The following AP1G1 variants were observed in gnomAD, a reference collection of about 807,000 sequenced individuals.
AP1G1 encodes the protein adaptor related protein complex 1 subunit gamma 1.
In AP1G1, 7 loss-of-function variants were observed where a neutral mutation model predicts 108.3. That is an observed-to-expected ratio of 0.06 (90% CI 0.04 to 0.12). The LOEUF is 0.12. AP1G1 is among the 10% of genes least tolerant of loss of function. The probability of loss-of-function intolerance (pLI) is 1.00; values close to 1 mark genes in which losing one functional copy is unlikely to be tolerated. For missense variants in AP1G1, 756 were observed against 1,010.7 expected, an observed-to-expected ratio of 0.75 and a Z score of 3.42; for synonymous variants, 379 against 353.5, an observed-to-expected ratio of 1.07 and a Z score of -0.81.
At position 71,771,178 on chromosome 16, in the gene AP1G1, A is replaced by G. The variant is rs763069783; in HGVS notation, c.543T>C (p.Asn181=). The change falls in exon 5 of 23, where the codon AAT becomes AAC. Residue 181 remains asparagine (N), a synonymous_variant. Transcript: ENST00000299980. ...TACCATGGTTCTTCTCATTCAATAA[A>G]TTTTTTGTTGCTGGTAAAAACATCT... ...LMEMFLPATK[N]LLNEKNHGVL... is the part of the protein sequence containing the mutation. The G allele has an allele frequency of 6.2e-7, 1 of 1,607,954 alleles. No homozygotes were observed. The highest frequency in any genetic ancestry group is 8.5e-7 in the Non-Finnish European group (1 of 1,176,044).
chr16:71,761,247 C>A (rs978621995), intron 10 of AP1G1, among the ~76,000 whole-genome samples: 1 of 152,132 alleles, frequency 6.6e-6, no homozygotes, highest in Non-Finnish European at 1.5e-5. Context: ...GACTCCATGG[C>A]CCACAAAGCC....
At chr16:71,801,316 T>A (rs530544417) in intron 1 of AP1G1, among the ~76,000 whole-genome samples, 1 of 140,530 alleles carries the variant, frequency 7.1e-6, no homozygotes, top group Admixed American at 7.6e-5. Context: ...GAATTATATT[T>A]ACTGACCATG....
chr16:71,794,835 C>CTTTTTTTTTGTTTTTTTTTTT (rs2032523957), intron 1 of AP1G1, among the ~76,000 whole-genome samples: 1 of 39,632 alleles, frequency 2.5e-5, no homozygotes, highest in Non-Finnish European at 4.3e-5. Flanking sequence ...ATGAGAAGTG[C>CTTTTTTTTTGTTTTTTTTTTT]TTTTTTTTTT....
chr16:71,731,184 C>T lies in AP1G1; in HGVS notation c.*1874G>A, dbSNP rs2045471626. On this transcript the variant is annotated 3_prime_UTR_variant, in exon 23 of 23. Transcript: ENST00000299980. The stretch of plus-strand genomic sequence containing the variant: ...TGTCTGAAATATGCACTAGTCCACA[C>T]TTACATTACTGAAAACTATGCAGGA... 2 of 152,490 alleles carry T rather than the reference C, an allele frequency of 1.3e-5. No individual in the cohort carries two copies. The highest frequency in any genetic ancestry group is 4.8e-5 in the African/African-American group (2 of 41,462). The allele number at this position is 152,490 out of a possible 1,614,324, so 9.4% of individuals were successfully genotyped here.
At chr16:71,736,489 T>C (rs2045543925) in intron 21 of AP1G1, among the ~76,000 whole-genome samples, 2 of 150,598 alleles carry the variant, frequency 1.3e-5, no homozygotes, top group South Asian at 4.2e-4. Flanking sequence ...CATGCCATTC[T>C]CCTGCCTCAG....
intron 1 of AP1G1, among the ~76,000 whole-genome samples, chr16:71,798,492 C>T (rs2032665593): frequency 6.6e-6 from 1 of 151,968 alleles, no homozygotes; most frequent in Admixed American, 6.6e-5. Flanking sequence ...AGCCACTGCA[C>T]CCAGCTGGAA....
intron 1 of AP1G1, among the ~76,000 whole-genome samples, chr16:71,805,782 C>G (rs1477272474): frequency 6.6e-6 from 1 of 152,104 alleles, no homozygotes; most frequent in Non-Finnish European, 1.5e-5. Flanking sequence ...CACCTGTAAT[C>G]TCAGCACTTT....
rs59451625 is a variant in AP1G1 at position 71,768,978 on chromosome 16, C to CAAAAAA, written c.642+639_642+644dup. ...AATTCCTGCCTTTAAAAAAAAAATA[C>CAAAAAA]AAAAAAAAAAAAAAAAAAAACAGGC... On this transcript the variant is annotated intron_variant, in intron 6 of 22. Coordinates refer to ENST00000299980, the MANE Select transcript of AP1G1 (RefSeq NM_001128.6). Among the ~76,000 whole-genome samples the CAAAAAA allele has an allele frequency of 1.1e-4, 7 of 65,018 alleles. 1 individual carries two copies. Among genetic ancestry groups the CAAAAAA allele is most frequent in the Admixed American group, 2.5e-4 (1 of 4,030 alleles). The allele number at this position is 65,018 out of a possible 152,430, so 42.7% of individuals were successfully genotyped here.
At chr16:71,764,513 G>A in intron 8 of AP1G1, 65 bp from the exon 9 acceptor site, 2 of 1,283,456 alleles carry the variant, frequency 1.6e-6, no homozygotes, top group East Asian at 2.4e-5. Flanking sequence ...CATATTCACA[G>A]GTAACAAGAG....
rs778668053 is a variant in AP1G1 at position 71,802,276 on chromosome 16, CTCTTT to C, written c.-4+6482_-4+6486del. On this transcript the variant is annotated intron_variant, in intron 1 of 22. Transcript: ENST00000299980. ...AGCAAAAGAAGCGTTTTTTACTTAC[CTCTTT>C]TTTTTGAGACAGTCTATCTCTGTCA... Among the ~76,000 whole-genome samples the C allele has an allele frequency of 2.1e-3, 324 of 152,184 alleles. 2 individuals carry two copies. The highest frequency in any genetic ancestry group is 3.6e-3 in the Non-Finnish European group (247 of 68,000).
intron 2 of AP1G1, among the ~76,000 whole-genome samples, chr16:71,781,034 T>C (rs1356566486): frequency 6.6e-6 from 1 of 152,166 alleles, no homozygotes; most frequent in Non-Finnish European, 1.5e-5. Flanking sequence ...CCTGGGCTGG[T>C]CTTGAATTCC....
At chr16:71,803,472 A>G (rs2032880881) in intron 1 of AP1G1, among the ~76,000 whole-genome samples, 1 of 152,140 alleles carries the variant, frequency 6.6e-6, no homozygotes, top group African/African-American at 2.4e-5. Flanking sequence ...CTTTTATGCT[A>G]AAGTGTTAGT....
At chr16:71,775,300 G>A (rs1021489832) in intron 2 of AP1G1, among the ~76,000 whole-genome samples, 3 of 151,948 alleles carry the variant, frequency 2.0e-5, no homozygotes, top group Middle Eastern at 3.4e-3. Flanking sequence ...CCAAAGTGCT[G>A]GTATTACAGG....
At chr16:71,733,884 A>G (rs1026809873) in intron 22 of AP1G1, among the ~76,000 whole-genome samples, 3 of 152,228 alleles carry the variant, frequency 2.0e-5, no homozygotes, top group Non-Finnish European at 2.9e-5. Flanking sequence ...CAGTAGTTTT[A>G]AGAGAACTCA....
chr16:71,778,790 G>A (rs957744332), intron 2 of AP1G1, among the ~76,000 whole-genome samples: 2 of 151,824 alleles, frequency 1.3e-5, no homozygotes, highest in African/African-American at 4.8e-5. Context: ...TGGGGGAGAT[G>A]CACACAAAAG....
At chr16:71,808,457 C>T (rs1361449262) in intron 1 of AP1G1, 1 of 1,213,234 alleles carries the variant, frequency 8.2e-7, no homozygotes, top group Non-Finnish European at 1.1e-6. Context: ...TGAATGAGCC[C>T]TCAAAGATCG....
intron 2 of AP1G1, among the ~76,000 whole-genome samples, chr16:71,783,669 T>C (rs960380455): frequency 6.6e-6 from 1 of 152,126 alleles, no homozygotes; most frequent in Non-Finnish European, 1.5e-5. Context: ...GGTAATTGGG[T>C]ATGGCAAGCA....
intron 11 of AP1G1, 96 bp from the exon 12 acceptor site, chr16:71,756,255 G>C (rs1429606822): frequency 4.3e-6 from 5 of 1,153,380 alleles, no homozygotes; most frequent in Non-Finnish European, 6.1e-6. Flanking sequence ...AGTACTGCCA[G>C]ATGTGCTGAC....
intron 12 of AP1G1, 82 bp from the exon 13 acceptor site, chr16:71,753,969 G>T: frequency 1.5e-6 from 2 of 1,318,318 alleles, no homozygotes; most frequent in Non-Finnish European, 2.2e-6. Context: ...CCCAAGCAGG[G>T]TGACTCACAC....
Sources: allele counts gnomAD v4.1 joint callset (sites outside exome capture counted in the v4.1 genomes callset), GRCh38; gene constraint gnomAD v4.1.1; transcripts MANE v1.5; gene names NCBI Gene and HGNC (gene_info 2026-07-23, HGNC 2026-07-21).